MAP2K6: variants seen among roughly 807,000 people sequenced by gnomAD.
MAP2K6 encodes mitogen-activated protein kinase kinase 6.
In MAP2K6, 16 loss-of-function variants were observed where a neutral mutation model predicts 53.7. The ratio of observed to expected loss-of-function variants is 0.30; its 90% CI spans 0.20 to 0.45. The LOEUF (loss-of-function observed/expected upper bound fraction) is 0.45, where lower values mean the gene tolerates loss of function less well. Ranked by LOEUF, MAP2K6 falls within the 20% of genes least tolerant of loss-of-function variation. The pLI is 1.00. For synonymous variants in MAP2K6, 132 were observed against 143.1 expected, an observed-to-expected ratio of 0.92 and a Z score of 0.55; for missense variants, 204 against 411.9, an observed-to-expected ratio of 0.50 and a Z score of 4.37.
At chr17:69,418,376 A>G (rs1905971027) in intron 1 of MAP2K6, among the ~76,000 whole-genome samples, 1 of 152,172 alleles carries the variant, frequency 6.6e-6, no homozygotes, top group Admixed American at 6.5e-5. Flanking sequence ...ACTCCCCAGT[A>G]TTTTAAAATC....
chr17:69,518,032 T>C (rs1420603074), intron 4 of MAP2K6, among the ~76,000 whole-genome samples: 1 of 151,974 alleles, frequency 6.6e-6, no homozygotes, highest in Non-Finnish European at 1.5e-5. Context: ...CTACTAAAAA[T>C]ACAAAAAATT....
chr17:69,416,346 A>C (rs1341141136), intron 1 of MAP2K6, among the ~76,000 whole-genome samples: 1 of 152,190 alleles, frequency 6.6e-6, no homozygotes, highest in African/African-American at 2.4e-5. Flanking sequence ...AAATCTGAAA[A>C]GTTAAGAGTG....
At chr17:69,464,804 C>T (rs1312706230) in intron 1 of MAP2K6, among the ~76,000 whole-genome samples, 1 of 152,132 alleles carries the variant, frequency 6.6e-6, no homozygotes, top group East Asian at 1.9e-4. Flanking sequence ...CAACCTCTGT[C>T]TCCCGGGTTC....
At chr17:69,539,365 A>G (rs1598322649) in intron 11 of MAP2K6, among the ~76,000 whole-genome samples, 1 of 152,142 alleles carries the variant, frequency 6.6e-6, no homozygotes, top group East Asian at 1.9e-4. Flanking sequence ...CTGGTATTAT[A>G]GTCTGAGTAT....
intron 1 of MAP2K6, among the ~76,000 whole-genome samples, chr17:69,448,997 G>A (rs559734347): frequency 2.0e-5 from 3 of 152,298 alleles, no homozygotes; most frequent in Admixed American, 2.0e-4. Context: ...CGGCACTCCC[G>A]GGTTACAGTC....
intron 1 of MAP2K6, among the ~76,000 whole-genome samples, chr17:69,427,490 AT>A (rs555731498): frequency 5.0e-4 from 76 of 152,312 alleles, no homozygotes; most frequent in African/African-American, 1.6e-3. Context: ...GATTAAATAC[AT>A]TTTTTCTTTT....
In MAP2K6 at chr17:69,529,712, G is replaced by A. The variant is rs1043713045; in HGVS notation, c.881+3003G>A. On this transcript the variant is annotated intron_variant, in intron 10 of 11. Coordinates refer to ENST00000590474, the MANE Select transcript of MAP2K6 (RefSeq NM_002758.4). ...TTTTTAGTAAAGACGGGGTTTCACC[G>A]TGTTAACCAGGATGGTCTCGATCTC... 9.1e-4 allele frequency among the ~76,000 whole-genome samples: 138 copies of A among 151,988 alleles called. 2 individuals are homozygous for A. The highest frequency in any genetic ancestry group is 1.5e-3 in the African/African-American group (64 of 41,468).
chr17:69,538,617 A>G (rs1348169239), intron 11 of MAP2K6, among the ~76,000 whole-genome samples: 3 of 152,224 alleles, frequency 2.0e-5, no homozygotes, highest in Admixed American at 2.0e-4. Flanking sequence ...GAAAAAAATA[A>G]TCCTTTTTCC....
chr17:69,416,137 T>C (rs903770459), intron 1 of MAP2K6, among the ~76,000 whole-genome samples: 1 of 152,218 alleles, frequency 6.6e-6, no homozygotes, highest in Non-Finnish European at 1.5e-5. Flanking sequence ...CCCGGGGCAC[T>C]CTTTGAGTAA....
chr17:69,524,572 G>A (rs1910662095), intron 8 of MAP2K6, among the ~76,000 whole-genome samples: 1 of 152,058 alleles, frequency 6.6e-6, no homozygotes, highest in Non-Finnish European at 1.5e-5. Context: ...GTTCTGGACT[G>A]TTCATGTTTT....
At chr17:69,474,091 C>T (rs571477736) in intron 1 of MAP2K6, among the ~76,000 whole-genome samples, 11 of 152,308 alleles carry the variant, frequency 7.2e-5, no homozygotes, top group South Asian at 2.1e-4. Flanking sequence ...TTGCTTAAGG[C>T]GGCCAGAGTG....
chr17:69,508,041 G>GTTTT (rs71144698), intron 2 of MAP2K6, among the ~76,000 whole-genome samples: 3,769 of 44,878 alleles, frequency 0.084, 1,541 homozygotes, highest in Non-Finnish European at 0.092. Context: ...TATATATGTA[G>GTTTT]TTTTTTTTTT....
At chr17:69,436,754 C>G (rs116399330) in intron 1 of MAP2K6, among the ~76,000 whole-genome samples, 2,937 of 152,210 alleles carry the variant, frequency 0.019, 91 homozygotes, top group African/African-American at 0.067. Flanking sequence ...ACTGACCCCC[C>G]CATGCAGCTG....
chr17:69,502,829 CTT>C, intron 1 of MAP2K6: 1 of 453,178 alleles, frequency 2.2e-6, no homozygotes, highest in Non-Finnish European at 2.9e-6. Context: ...GTGCTAAAAA[CTT>C]TCTCTCTTTT....
At chr17:69,528,968 C>T (rs1910936858) in intron 10 of MAP2K6, among the ~76,000 whole-genome samples, 1 of 150,706 alleles carries the variant, frequency 6.6e-6, no homozygotes, top group Non-Finnish European at 1.5e-5. Flanking sequence ...AGCTAAGTCT[C>T]TTCAAATTAT....
chr17:69,528,498 A>G (rs956204958), intron 10 of MAP2K6, among the ~76,000 whole-genome samples: 12 of 151,854 alleles, frequency 7.9e-5, no homozygotes, highest in Admixed American at 6.6e-4. Flanking sequence ...TTTTTTGTGG[A>G]TGGTTGGTTG....
chr17:69,471,121 GA>G (rs1907968709), intron 1 of MAP2K6, among the ~76,000 whole-genome samples: 2 of 152,166 alleles, frequency 1.3e-5, no homozygotes, highest in South Asian at 4.2e-4. Flanking sequence ...AATAGGGTAG[GA>G]AAAAAATGAA....
chr17:69,485,388 A>G (rs1262872180), intron 1 of MAP2K6: 8 of 683,478 alleles, frequency 1.2e-5, no homozygotes, highest in Non-Finnish European at 1.4e-5. Context: ...CATGCCTGCA[A>G]TTCAGCCTTG....
intron 1 of MAP2K6, among the ~76,000 whole-genome samples, chr17:69,496,396 A>G (rs1908953108): frequency 6.8e-6 from 1 of 147,190 alleles, no homozygotes. Flanking sequence ...CTCAGCCTCC[A>G]GAGTAGCTGG....
Sources: allele counts gnomAD v4.1 joint callset (sites outside exome capture counted in the v4.1 genomes callset), GRCh38; gene constraint gnomAD v4.1.1; transcripts MANE v1.5; gene names NCBI Gene and HGNC (gene_info 2026-07-23, HGNC 2026-07-21).